Variants in ITIH3 observed in about 807,000 individuals in gnomAD.
The protein encoded by ITIH3 is inter-alpha-trypsin inhibitor heavy chain 3, also known as inter-alpha-trypsin inhibitor heavy chain H3.
In ITIH3, 81 loss-of-function variants were observed where a neutral mutation model predicts 96.5. The observed-to-expected ratio is 0.84, with a 90% CI of 0.70 to 1.01. ITIH3 has a LOEUF of 1.01. Among genes scored for constraint, ITIH3 ranks in the 50% least tolerant of loss-of-function variants. The pLI is 0.00. For missense variants in ITIH3, 1,057 were observed against 1,139.3 expected (o/e 0.93, Z 1.04); for synonymous variants, 422 against 445.2 (o/e 0.95, Z 0.66).
chr3:52,802,463 G>A lies in ITIH3; in HGVS notation c.1513G>A (p.Gly505Arg), dbSNP rs746467290. The A allele has an allele frequency of 1.9e-5, 30 of 1,613,844 alleles. No homozygotes were observed. The highest frequency in any genetic ancestry group is 6.6e-5 in the South Asian group (6 of 91,082). ...FYDGSEIVVAGRLVDEDMNSF... is the reference protein window; with the variant it reads ...FYDGSEIVVARRLVDEDMNSF... ...CGATGGCTCTGAGATCGTGGTGGCC[G>A]GGCGCCTGGTGGACGAGGACATGAA... Residue 505 changes from glycine (G) to arginine (R), a missense_variant, in exon 12 of 22, where the codon GGG becomes AGG. By Grantham distance (125) the Gly-to-Arg change is moderately radical. Transcript: ENST00000449956.
chr3:52,797,393 G>C, intron 5 of ITIH3, 126 bp downstream of exon 5: 3 of 1,029,388 alleles, frequency 2.9e-6, no homozygotes, highest in Non-Finnish European at 4.2e-6. Flanking sequence ...CCTTGGCTGG[G>C]AAGGCTGGAG....
chr3:52,804,701 T>C, intron 14 of ITIH3, 25 bp from the exon 15 acceptor site: 1 of 1,576,558 alleles, frequency 6.3e-7, no homozygotes, highest in Non-Finnish European at 8.6e-7. Context: ...GCATTTCTCT[T>C]CTTCCTCCCT....
rs1699809418 is a variant in ITIH3, at chr3:52,800,988, C to G, written c.1225C>G (p.Gln409Glu). ...NVGESRPEKI[Q>E]ENVRNAIGGK... ...AGGTGAGAGCAGACCCGAAAAAATC[C>G]AAGAGAATGTGCGGAATGCCATCGG... Residue 409 changes from glutamine (Q) to glutamate (E), a missense_variant, in exon 11 of 22, where the codon CAA becomes GAA. Gln to Glu is a conservative substitution (Grantham distance 29, BLOSUM62 2). Coordinates refer to ENST00000449956, the MANE Select transcript of ITIH3 (RefSeq NM_002217.4). 1 of 1,614,054 alleles carries G rather than the reference C, an allele frequency of 6.2e-7. No homozygotes were observed. Among genetic ancestry groups the G allele is most frequent in the Non-Finnish European group, 8.5e-7 (1 of 1,179,892 alleles).
chr3:52,796,714 T>A (rs779387404), intron 3 of ITIH3, 25 bp from the exon 4 acceptor site: 27 of 1,606,852 alleles, frequency 1.7e-5, no homozygotes, highest in Non-Finnish European at 2.2e-5. Context: ...GTGATCTCCC[T>A]ACCCCCAACT....
At chr3:52,805,944 A>G in intron 16 of ITIH3, 104 bp downstream of exon 16, 1 of 1,536,818 alleles carries the variant, frequency 6.5e-7, no homozygotes, top group Non-Finnish European at 8.9e-7. Context: ...GGATGGGCAG[A>G]TGGACAATGT....
At position 52,806,776 on chromosome 3, in the gene ITIH3, C is replaced by G. The variant is rs951587054; in HGVS notation, c.2057-125C>G. On this transcript the variant is annotated intron_variant, in intron 18 of 21. Coordinates refer to ENST00000449956, the MANE Select transcript of ITIH3 (RefSeq NM_002217.4). ...CAGGCTTGGGCTCTGAAGTCCTGGT[C>G]TCTCTTGTGGCCCCCGCTCTGCTGC... is the stretch of plus-strand genomic sequence containing the variant. 6 of 757,614 alleles carry G rather than the reference C, an allele frequency of 7.9e-6. No homozygotes were observed. The African/African-American group carries it at 1.0e-4, about 13-fold the overall frequency. 46.9% of individuals were successfully genotyped at this position (757,614 alleles called of 1,614,324 possible).
At chr3:52,796,096 T>A in intron 2 of ITIH3, 1 of 230,686 alleles carries the variant, frequency 4.3e-6, no homozygotes, top group Non-Finnish European at 8.4e-6. Context: ...ACCCAGGAGG[T>A]GGGCTGGGCT....
Position 52,800,609 on chromosome 3 carries a change from C to T in ITIH3, c.1147C>T (p.Pro383Ser), listed in dbSNP as rs1390342704. 2.5e-6 allele frequency: 4 copies of T among 1,581,830 alleles called. No homozygotes were observed. The highest frequency in any genetic ancestry group is 3.4e-6 in the Non-Finnish European group (4 of 1,163,874). ...CAAGGCCCGAGAGGAGCACAGAATC[C>T]CAGAGAGGAGCACCTCCATTGTCAT... Reference protein sequence around the residue: ...LNKAREEHRIPERSTSIVIML... With the variant: ...LNKAREEHRISERSTSIVIML... The change falls in exon 10 of 22, where the codon CCA (proline) becomes TCA (serine). Residue 383 changes from proline to serine, a missense_variant. Physicochemically the swap from Pro to Ser is moderately conservative, Grantham distance 74 (BLOSUM62 -1). Coordinates refer to ENST00000449956, the MANE Select transcript of ITIH3 (RefSeq NM_002217.4).
chr3:52,796,436 C>T, intron 2 of ITIH3, 45 bp from the exon 3 acceptor site: 1 of 1,580,858 alleles, frequency 6.3e-7, no homozygotes, highest in African/African-American at 1.3e-5. Flanking sequence ...AAACCTGCTT[C>T]TCCAGTGTCC....
Position 52,806,907 on chromosome 3 carries a change from C to T in ITIH3, c.2063C>T (p.Thr688Ile). 1.3e-6 allele frequency: 2 copies of T among 1,582,554 alleles called. No individual in the cohort carries two copies. The highest frequency in any genetic ancestry group is 1.7e-6 in the Non-Finnish European group (2 of 1,164,182). Residue 688 changes from threonine (T) to isoleucine (I), a missense_variant, in exon 19 of 22, where the codon ACA becomes ATA. Physicochemically the swap from Thr to Ile is moderately conservative, Grantham distance 89. Transcript: ENST00000449956. ...TGCCCCATCCCTCTGGCAGGCCTCA[C>T]AGTTAATGGGCAGATCACTGGCGAC... ...RLIQDAVTGL[T>I]VNGQITGDKR...
rs779630135 is a variant in ITIH3 at position 52,800,979 on chromosome 3, G to A, written c.1216G>A (p.Glu406Lys). 2.2e-5 allele frequency: 36 copies of A among 1,613,934 alleles called. No individual in the cohort carries two copies. Among genetic ancestry groups the A allele is most frequent in the Middle Eastern group, 1.6e-4 (1 of 6,084 alleles). The change falls in exon 11 of 22, where the codon GAA becomes AAA. Residue 406 changes from glutamate (E) to lysine (K), a missense_variant. Glu to Lys is a moderately conservative substitution (Grantham distance 56). Transcript: ENST00000449956. ...GDANVGESRP[E>K]KIQENVRNAI... is the part of the protein sequence containing the mutation. ...TTCTCCAACAGGTGAGAGCAGACCC[G>A]AAAAAATCCAAGAGAATGTGCGGAA...
intron 7 of ITIH3, 49 bp downstream of exon 7, chr3:52,799,140 G>A: frequency 6.2e-7 from 1 of 1,601,570 alleles, no homozygotes; most frequent in Non-Finnish European, 8.5e-7. Flanking sequence ...GGGCTGGTCG[G>A]GCGGGGGCTG....
chr3:52,796,917 C>A, intron 4 of ITIH3, 74 bp downstream of exon 4: 1 of 1,206,918 alleles, frequency 8.3e-7, no homozygotes, highest in Non-Finnish European at 1.2e-6. Context: ...ACAACAACAA[C>A]AGCTATTATT....
chr3:52,802,851 C>T, intron 13 of ITIH3, 45 bp downstream of exon 13: 1 of 1,607,340 alleles, frequency 6.2e-7, no homozygotes, highest in African/African-American at 1.3e-5. Context: ...CCTGGCTGGG[C>T]TCCAATGCAA....
chr3:52,804,840 T>G, intron 15 of ITIH3, 106 bp downstream of exon 15: 2 of 1,276,338 alleles, frequency 1.6e-6, no homozygotes, highest in Non-Finnish European at 2.2e-6. Context: ...GGGGGCACAC[T>G]TGGGACACCT....
rs1333595738 is a variant in ITIH3, at chr3:52,795,581, GTGTT to G, written c.94-16_94-13del. The G allele has an allele frequency of 4.9e-5, 78 of 1,608,156 alleles. No homozygotes were observed. Among genetic ancestry groups the G allele is most frequent in the Non-Finnish European group, 6.5e-5 (76 of 1,177,354 alleles). Reference sequence around the variant, plus strand: ...TGGCCTTGGCCTGATTCCTGTGTTTGTGTTTGTTTTTGTTTTTTCAGAAACGGAG... The same window carrying G: ...TGGCCTTGGCCTGATTCCTGTGTTTGTGTTTTTGTTTTTTCAGAAACGGAG... On this transcript the variant is annotated intron_variant, in intron 1 of 21. Coordinates refer to ENST00000449956, the MANE Select transcript of ITIH3 (RefSeq NM_002217.4).
At chr3:52,806,599 G>C (rs1700059558) in intron 18 of ITIH3, among the ~76,000 whole-genome samples, 193 bp downstream of exon 18, 1 of 152,230 alleles carries the variant, frequency 6.6e-6, no homozygotes, top group Non-Finnish European at 1.5e-5. Flanking sequence ...GCTATTGGGA[G>C]ATGATTAGCG....
chr3:52,808,742 G>C lies in ITIH3; in HGVS notation c.*61G>C. The C allele has an allele frequency of 6.3e-7, 1 of 1,576,972 alleles. No homozygotes were observed. The highest frequency in any genetic ancestry group is 8.7e-7 in the Non-Finnish European group (1 of 1,149,464). Reference sequence around the variant, plus strand: ...GGATTTTATGGCATCTGGAACATGGGCACAGAGAGGGGCCTGTGGGAGGGG... The same window carrying C: ...GGATTTTATGGCATCTGGAACATGGCCACAGAGAGGGGCCTGTGGGAGGGG... On this transcript the variant is annotated 3_prime_UTR_variant, in exon 22 of 22. Coordinates refer to ENST00000449956, the MANE Select transcript of ITIH3 (RefSeq NM_002217.4).
At position 52,799,506 on chromosome 3, in the gene ITIH3, C is replaced by A; in HGVS notation, c.906+18C>A. On this transcript the variant is annotated intron_variant, in intron 8 of 21. Coordinates refer to ENST00000449956, the MANE Select transcript of ITIH3 (RefSeq NM_002217.4). ...TAGAGCAGGTAATCAGCACCAGTGG[C>A]ACAGCCAGGGCTCGGGGTAGTAGGG... The A allele has an allele frequency of 1.3e-6, 2 of 1,560,808 alleles. No individual in the cohort carries two copies. Among genetic ancestry groups the A allele is most frequent in the Non-Finnish European group, 1.7e-6 (2 of 1,143,788 alleles).
Sources: gnomAD v4.1 joint callset for allele counts (sites outside exome capture counted in the v4.1 genomes callset) on GRCh38, gnomAD v4.1.1 for gene constraint, MANE v1.5 for transcripts, NCBI Gene and HGNC (gene_info 2026-07-23, HGNC 2026-07-21) for gene names.